NECAB1: variants seen among roughly 807,000 people sequenced by gnomAD.
The protein encoded by NECAB1 is N-terminal EF-hand calcium-binding protein 1.
Under a neutral mutation model 57.5 loss-of-function variants are expected in NECAB1, and 29 were observed. That is an observed-to-expected ratio of 0.50 (90% CI 0.38 to 0.69). NECAB1 has a LOEUF of 0.69. Among genes scored for constraint, NECAB1 ranks in the 30% least tolerant of loss-of-function variants. The pLI is 0.00. For synonymous variants in NECAB1, 142 were observed against 147.7 expected (o/e 0.96, Z 0.28); for missense variants, 372 against 413.8 (o/e 0.90, Z 0.88).
intron 3 of NECAB1, among the ~76,000 whole-genome samples, chr8:90,831,121 G>A (rs1249894162): frequency 6.6e-6 from 1 of 151,984 alleles, no homozygotes; most frequent in African/African-American, 2.4e-5. Context: ...GGGCCCTCTC[G>A]CTGAGAGGCC....
intron 6 of NECAB1, among the ~76,000 whole-genome samples, chr8:90,925,157 T>G (rs1419553302): frequency 6.6e-6 from 1 of 152,076 alleles, no homozygotes; most frequent in Non-Finnish European, 1.5e-5. Context: ...AATATATGGA[T>G]GTATAGCTTT....
chr8:90,890,206 G>T (rs1291368493), intron 5 of NECAB1, among the ~76,000 whole-genome samples: 1 of 152,160 alleles, frequency 6.6e-6, no homozygotes, highest in Non-Finnish European at 1.5e-5. Flanking sequence ...ATGGGACCAG[G>T]TGGAGGTAAT....
At chr8:90,938,198 G>A (rs1810582661) in intron 9 of NECAB1, among the ~76,000 whole-genome samples, 1 of 152,146 alleles carries the variant, frequency 6.6e-6, no homozygotes, top group African/African-American at 2.4e-5. Flanking sequence ...AACTGAGACT[G>A]GCCTTTCATA....
chr8:90,845,362 G>A (rs1224923728), intron 3 of NECAB1, among the ~76,000 whole-genome samples: 1 of 152,034 alleles, frequency 6.6e-6, no homozygotes, highest in Non-Finnish European at 1.5e-5. Context: ...GGTGCTGTGG[G>A]GTAAAAGCAG....
chr8:90,847,157 G>A (rs1268996300), intron 3 of NECAB1, among the ~76,000 whole-genome samples: 1 of 152,216 alleles, frequency 6.6e-6, no homozygotes, highest in Non-Finnish European at 1.5e-5. Flanking sequence ...TAAAATGGGG[G>A]TACAGGCATT....
Position 90,906,876 on chromosome 8 carries a change from C to CACACAT in NECAB1, c.358-10615_358-10614insCACATA, listed in dbSNP as rs375695060. The stretch of plus-strand genomic sequence containing the variant: ...ACCTTTTCCTTACATATGATATACA[C>CACACAT]ATATATATATATATATATATATATA... On this transcript the variant is annotated intron_variant, in intron 5 of 12. Coordinates refer to ENST00000417640, the MANE Select transcript of NECAB1 (RefSeq NM_022351.5). Among the ~76,000 whole-genome samples the CACACAT allele has an allele frequency of 9.9e-5, 12 of 121,750 alleles. No homozygotes were observed. The East Asian group carries it at 2.6e-3, about 26-fold the overall frequency. 79.9% of individuals were successfully genotyped at this position (121,750 alleles called of 152,430 possible). A position where few individuals can be genotyped will look rare whatever the true frequency, so the allele number is the denominator to read the frequency against.
chr8:90,865,340 G>T (rs754692714), intron 3 of NECAB1, among the ~76,000 whole-genome samples: 8 of 152,026 alleles, frequency 5.3e-5, no homozygotes, highest in Non-Finnish European at 8.8e-5. Context: ...TTGCTTATGG[G>T]ACCTCCTATA....
At chr8:90,913,819 G>A (rs1196857323) in intron 5 of NECAB1, among the ~76,000 whole-genome samples, 4 of 152,196 alleles carry the variant, frequency 2.6e-5, no homozygotes, top group Non-Finnish European at 5.9e-5. Flanking sequence ...TGTGCCACCC[G>A]GGTCTGCAGT....
intron 5 of NECAB1, among the ~76,000 whole-genome samples, chr8:90,889,487 T>C (rs189207606): frequency 4.4e-4 from 67 of 152,342 alleles, no homozygotes; most frequent in African/African-American, 1.4e-3. Flanking sequence ...GATTTGTTAG[T>C]TGTAATCGTT....
chr8:90,951,764 A>G (rs1045144219), intron 12 of NECAB1, among the ~76,000 whole-genome samples: 11 of 98,196 alleles, frequency 1.1e-4, no homozygotes, highest in Non-Finnish European at 1.8e-4. Flanking sequence ...AAATTTTAGC[A>G]GAAAAAAAAA....
chr8:90,938,307 A>C (rs1810586935), intron 9 of NECAB1, among the ~76,000 whole-genome samples: 1 of 152,268 alleles, frequency 6.6e-6, no homozygotes, highest in Non-Finnish European at 1.5e-5. Context: ...ATATACTACT[A>C]CTCCTATAAT....
chr8:90,898,230 A>G (rs1809409497), intron 5 of NECAB1, among the ~76,000 whole-genome samples: 1 of 152,188 alleles, frequency 6.6e-6, no homozygotes. Flanking sequence ...ATAAGTTTAG[A>G]TAGGAAGTCA....
In NECAB1 at chr8:90,953,529, T is replaced by C. The variant is rs1388632909; in HGVS notation, c.1031-1958T>C. ...AATTTCAACAATGATTACTGGAATT[T>C]CGTAGAACAAGAGGAAAAGTTAGGC... is the stretch of plus-strand genomic sequence containing the variant. On this transcript the variant is annotated intron_variant, in intron 12 of 12. Coordinates refer to ENST00000417640, the MANE Select transcript of NECAB1 (RefSeq NM_022351.5). Among the ~76,000 whole-genome samples the C allele has an allele frequency of 3.3e-5, 5 of 152,342 alleles. No homozygotes were observed. The East Asian group carries it at 9.6e-4, about 29-fold the overall frequency.
rs1811074470 is a variant in NECAB1, at chr8:90,958,546, G to C, written c.*3034G>C. The C allele has an allele frequency of 6.3e-6, 1 of 158,600 alleles. No homozygotes were observed. The highest frequency in any genetic ancestry group is 2.4e-5 in the African/African-American group (1 of 41,434). The allele number at this position is 158,600 out of a possible 1,614,324, so 9.8% of individuals were successfully genotyped here. A position where few individuals can be genotyped will look rare whatever the true frequency, so the allele number is the denominator to read the frequency against. The stretch of plus-strand genomic sequence containing the variant: ...ATCATTCTAAGCCTCTGGAGAGACT[G>C]TAATGATCCATTCATGAGCTGGTAT... On this transcript the variant is annotated 3_prime_UTR_variant, in exon 13 of 13. Transcript: ENST00000417640.
chr8:90,888,496 A>G (rs1289013828), intron 5 of NECAB1, among the ~76,000 whole-genome samples: 3 of 152,172 alleles, frequency 2.0e-5, no homozygotes, highest in Non-Finnish European at 4.4e-5. Flanking sequence ...TGAAGTGGAA[A>G]AGTGCAGAGG....
At chr8:90,892,959 G>A (rs557417460) in intron 5 of NECAB1, among the ~76,000 whole-genome samples, 85 of 152,152 alleles carry the variant, frequency 5.6e-4, no homozygotes, top group Middle Eastern at 6.8e-3. Flanking sequence ...GTTCCACCTC[G>A]TGCCAGTCCT....
intron 2 of NECAB1, among the ~76,000 whole-genome samples, chr8:90,815,256 G>T (rs533728843): frequency 1.4e-4 from 22 of 152,106 alleles, no homozygotes; most frequent in African/African-American, 5.1e-4. Flanking sequence ...TTAGCTTATA[G>T]ACTTCACTAT....
At chr8:90,871,301 T>G (rs1808617552) in intron 3 of NECAB1, among the ~76,000 whole-genome samples, 1 of 152,192 alleles carries the variant, frequency 6.6e-6, no homozygotes, top group Non-Finnish European at 1.5e-5. Flanking sequence ...AAATTCCCAT[T>G]CAGCATTTGC....
intron 8 of NECAB1, among the ~76,000 whole-genome samples, chr8:90,934,091 C>T (rs933026346): frequency 6.6e-6 from 1 of 152,054 alleles, no homozygotes; most frequent in Admixed American, 6.6e-5. Context: ...ACTTTGAACA[C>T]GTCTAAAACA....
Sources: allele counts gnomAD v4.1 joint callset (sites outside exome capture counted in the v4.1 genomes callset), GRCh38; gene constraint gnomAD v4.1.1; transcripts MANE v1.5; gene names NCBI Gene and HGNC (gene_info 2026-07-23, HGNC 2026-07-21).